ARID1B: variants seen among roughly 807,000 people sequenced by gnomAD.
ARID1B encodes AT-rich interactive domain-containing protein 1B.
In ARID1B, 30 loss-of-function variants were observed where a neutral mutation model predicts 212.3. The ratio of observed to expected loss-of-function variants is 0.14; its 90% CI spans 0.11 to 0.19. The LOEUF (loss-of-function observed/expected upper bound fraction) is 0.19, where lower values mean the gene tolerates loss of function less well. Ranked by LOEUF, ARID1B falls within the 10% of genes least tolerant of loss-of-function variation. The probability of loss-of-function intolerance (pLI) is 1.00; values close to 1 mark genes in which losing one functional copy is unlikely to be tolerated. For missense variants in ARID1B, 2,891 were observed against 3,204.0 expected (o/e 0.90, Z 2.36); for synonymous variants, 1,402 against 1,301.7 (o/e 1.08, Z -1.66).
At chr6:156,816,817 C>T (rs983709090) in intron 1 of ARID1B, among the ~76,000 whole-genome samples, 3 of 152,066 alleles carry the variant, frequency 2.0e-5, no homozygotes, top group Non-Finnish European at 4.4e-5. Flanking sequence ...TTGAGGCTAA[C>T]CTTGTTTGTT....
At chr6:157,033,834 GGAAAGGGCCTTGTCTTT>G (rs1417016589) in intron 4 of ARID1B, among the ~76,000 whole-genome samples, 1 of 152,168 alleles carries the variant, frequency 6.6e-6, no homozygotes, top group Non-Finnish European at 1.5e-5. Flanking sequence ...GTGAGTTAAT[GGAAAGGGCCTTGTCTTT>G]GCCTTTAGGA....
At chr6:156,864,303 A>G (rs1785532326) in intron 2 of ARID1B, among the ~76,000 whole-genome samples, 1 of 152,146 alleles carries the variant, frequency 6.6e-6, no homozygotes, top group African/African-American at 2.4e-5. Context: ...GCTCTCTGAC[A>G]AATTGTTATC....
chr6:157,114,294 G>A (rs530574991), intron 6 of ARID1B, among the ~76,000 whole-genome samples: 11 of 151,866 alleles, frequency 7.2e-5, no homozygotes, highest in South Asian at 4.2e-4. Context: ...AGGTTGAGGC[G>A]GGTGGATCAC....
intron 6 of ARID1B, among the ~76,000 whole-genome samples, chr6:157,112,968 C>A (rs940676422): frequency 3.3e-5 from 5 of 149,740 alleles, no homozygotes; most frequent in African/African-American, 1.2e-4. Context: ...GTTGCCCAGG[C>A]TGGAGTGCAA....
chr6:156,825,995 C>T (rs1159126511), intron 1 of ARID1B, among the ~76,000 whole-genome samples: 1 of 152,286 alleles, frequency 6.6e-6, no homozygotes, highest in East Asian at 1.9e-4. Flanking sequence ...CATGTTTGTA[C>T]ACTTAATTAT....
At chr6:157,051,873 ATTAC>A (rs1185372508) in intron 4 of ARID1B, among the ~76,000 whole-genome samples, 1 of 152,174 alleles carries the variant, frequency 6.6e-6, no homozygotes, top group Non-Finnish European at 1.5e-5. Flanking sequence ...CACATGATAT[ATTAC>A]TTTGTAACCA....
At chr6:156,825,144 C>T (rs561358357) in intron 1 of ARID1B, among the ~76,000 whole-genome samples, 2 of 152,282 alleles carry the variant, frequency 1.3e-5, no homozygotes, top group African/African-American at 2.4e-5. Context: ...GGATTACAGG[C>T]GTGAGCCGCC....
At position 157,190,125 on chromosome 6, in the gene ARID1B, C is replaced by G. The variant is rs748995523; in HGVS notation, c.4146C>G (p.Pro1382=). ...GGAACTCCATGACTCCAAACGCCCC[C>G]TACCAGCAGGGCATGAGCATGCCCG... ...PKRNSMTPNA[P]YQQGMSMPDV... is the part of the protein sequence containing the mutation. The change falls in exon 15 of 20, where the codon CCC becomes CCG. Residue 1382 remains proline, a synonymous_variant. Transcript: ENST00000636930. The surrounding 1 kb of genome is among the most constrained non-coding windows in gnomAD (Gnocchi z 4.6). 11 of 1,614,080 alleles carry G rather than the reference C, an allele frequency of 6.8e-6. No individual in the cohort carries two copies. Among genetic ancestry groups the G allele is most frequent in the Non-Finnish European group, 8.5e-6 (10 of 1,180,046 alleles).
chr6:156,819,370 A>G (rs572231294), intron 1 of ARID1B, among the ~76,000 whole-genome samples: 1 of 152,326 alleles, frequency 6.6e-6, no homozygotes, highest in African/African-American at 2.4e-5. Context: ...TTCTATTACT[A>G]TTTTGGTATT....
At chr6:156,856,285 A>G (rs888212272) in intron 2 of ARID1B, among the ~76,000 whole-genome samples, 4 of 152,172 alleles carry the variant, frequency 2.6e-5, no homozygotes, top group Non-Finnish European at 5.9e-5. Context: ...GTGTGTGTGT[A>G]TGTGGTGACC....
intron 4 of ARID1B, chr6:156,940,862 T>C (rs1177179276): frequency 6.6e-6 from 1 of 152,198 alleles, no homozygotes; most frequent in African/African-American, 2.4e-5. Flanking sequence ...CAGCTAGAAA[T>C]GTAAATTGCT....
At chr6:156,938,746 A>C (rs1033565077) in intron 4 of ARID1B, 1 of 152,232 alleles carries the variant, frequency 6.6e-6, no homozygotes, top group Non-Finnish European at 1.5e-5. Flanking sequence ...ACTTTGCATT[A>C]TAAGAAATCA....
chr6:157,091,763 C>T (rs952564856), intron 5 of ARID1B, among the ~76,000 whole-genome samples: 1 of 152,080 alleles, frequency 6.6e-6, no homozygotes, highest in Non-Finnish European at 1.5e-5. Flanking sequence ...TTAATTTGGC[C>T]TTAATAAAAC....
At chr6:156,806,906 GC>G (rs1239523701) in intron 1 of ARID1B, among the ~76,000 whole-genome samples, 2 of 152,206 alleles carry the variant, frequency 1.3e-5, no homozygotes, top group African/African-American at 4.8e-5. Flanking sequence ...GTGGGAGGAG[GC>G]TGCGTGCCAG....
intron 4 of ARID1B, among the ~76,000 whole-genome samples, chr6:157,053,090 G>C (rs1000085319): frequency 6.6e-6 from 1 of 151,600 alleles, no homozygotes; most frequent in African/African-American, 2.4e-5. Flanking sequence ...TTGATTGATT[G>C]ATTGATTGAT....
intron 13 of ARID1B, chr6:157,186,468 G>C (rs1583473489): frequency 1.3e-5 from 6 of 471,114 alleles, no homozygotes; most frequent in African/African-American, 1.2e-4. Flanking sequence ...ACAGGCGTCT[G>C]GGGGTCGCAG....
chr6:156,990,368 C>T (rs936502432), intron 4 of ARID1B, among the ~76,000 whole-genome samples: 28 of 151,916 alleles, frequency 1.8e-4, no homozygotes, highest in Admixed American at 1.6e-3. Context: ...GTAGGCCGGG[C>T]GCTGTGGCTC....
chr6:156,835,945 G>A (rs1783482005), intron 2 of ARID1B, among the ~76,000 whole-genome samples: 1 of 152,098 alleles, frequency 6.6e-6, no homozygotes, highest in Admixed American at 6.5e-5. Flanking sequence ...TCACCATGTT[G>A]CCCAGGTTGG....
At chr6:156,940,317 T>G (rs1246430497) in intron 4 of ARID1B, 1 of 152,242 alleles carries the variant, frequency 6.6e-6, no homozygotes, top group Non-Finnish European at 1.5e-5. Flanking sequence ...ATAGGAAATA[T>G]CTAAAGAGGT....
Sources: gnomAD v4.1 joint callset for allele counts (sites outside exome capture counted in the v4.1 genomes callset) on GRCh38, gnomAD v4.1.1 for gene constraint, Gnocchi (gnomAD v3.1) non-coding constraint, MANE v1.5 for transcripts, NCBI Gene and HGNC (gene_info 2026-07-23, HGNC 2026-07-21) for gene names.